MAML2: variants seen among roughly 807,000 people sequenced by gnomAD.
MAML2 encodes the protein mastermind like transcriptional coactivator 2.
MAML2 carries 22 observed loss-of-function variants against 96.1 expected under a neutral mutation model. The observed-to-expected ratio is 0.23, with a 90% CI of 0.16 to 0.33. MAML2 has a LOEUF of 0.33. MAML2 is among the 10% of genes least tolerant of loss of function. MAML2 has a pLI of 1.00. For missense variants in MAML2, 1,367 were observed against 1,392.4 expected (o/e 0.98, Z 0.29); for synonymous variants, 561 against 521.3 (o/e 1.08, Z -1.04).
intron 1 of MAML2, among the ~76,000 whole-genome samples, chr11:96,109,252 A>C (rs1860079059): frequency 6.6e-6 from 1 of 152,134 alleles, no homozygotes; most frequent in Admixed American, 6.6e-5. Flanking sequence ...AATGGGTACA[A>C]GTGAGCTCAG....
intron 1 of MAML2, among the ~76,000 whole-genome samples, chr11:96,096,545 C>G (rs576168489): frequency 1.3e-5 from 2 of 152,292 alleles, no homozygotes; most frequent in South Asian, 4.1e-4. Context: ...GGAATCAAAC[C>G]ACACATTCCC....
chr11:96,308,054 T>C (rs76859415), intron 1 of MAML2, among the ~76,000 whole-genome samples: 145 of 152,328 alleles, frequency 9.5e-4, no homozygotes, highest in Non-Finnish European at 1.7e-3. Context: ...AGATTCTGGC[T>C]TCTTTACAAT....
rs751354167 is a variant in MAML2, at chr11:96,092,703, C to T, written c.1328G>A (p.Arg443His). ...AQQLKQIAAN[R>H]QQHARMQQHQ... ...CTGCTGCATCCGGGCATGCTGCTGA[C>T]GATTAGCAGCTATCTGTTTGAGCTG... The change falls in exon 2 of 5, where the codon CGT becomes CAT. Residue 443 changes from arginine to histidine, a missense_variant. Physicochemically the swap from Arg to His is conservative, Grantham distance 29. Transcript: ENST00000524717. The surrounding 1 kb of genome is among the most constrained non-coding windows in gnomAD (Gnocchi z 4.1). The T allele has an allele frequency of 3.0e-5, 49 of 1,613,842 alleles. No individual in the cohort carries two copies. The highest frequency in any genetic ancestry group is 3.3e-5 in the South Asian group (3 of 91,080).
chr11:96,105,858 A>G (rs1044684700), intron 1 of MAML2, among the ~76,000 whole-genome samples: 1 of 136,884 alleles, frequency 7.3e-6, no homozygotes, highest in Non-Finnish European at 1.6e-5. Context: ...GTTTACTAAG[A>G]TATTTGGTTA....
chr11:96,328,125 G>T (rs74880353), intron 1 of MAML2, among the ~76,000 whole-genome samples: 1 of 151,996 alleles, frequency 6.6e-6, no homozygotes, highest in Non-Finnish European at 1.5e-5. Context: ...AAAACAAAGC[G>T]CATATGTGTG....
At chr11:96,185,084 G>T (rs1226886202) in intron 1 of MAML2, among the ~76,000 whole-genome samples, 2 of 152,098 alleles carry the variant, frequency 1.3e-5, no homozygotes, top group Non-Finnish European at 2.9e-5. Flanking sequence ...TAAAGACTTT[G>T]AGTGCTCTGA....
At chr11:96,098,095 T>C (rs1591012059) in intron 1 of MAML2, among the ~76,000 whole-genome samples, 1 of 152,094 alleles carries the variant, frequency 6.6e-6, no homozygotes, top group East Asian at 1.9e-4. Context: ...TGAAGATGCC[T>C]TGTGAGCACA....
chr11:96,196,857 G>C (rs868084632), intron 1 of MAML2, among the ~76,000 whole-genome samples: 1 of 141,160 alleles, frequency 7.1e-6, no homozygotes, highest in African/African-American at 2.7e-5. Flanking sequence ...TAGTCCAATG[G>C]TTCTCCCCCA....
At chr11:96,185,167 T>TA (rs1432146754) in intron 1 of MAML2, among the ~76,000 whole-genome samples, 1 of 148,338 alleles carries the variant, frequency 6.7e-6, no homozygotes, top group Non-Finnish European at 1.5e-5. Flanking sequence ...TGGAGCTCCT[T>TA]ATCGTAGTGA....
chr11:96,037,554 G>A (rs1336875200), intron 2 of MAML2, among the ~76,000 whole-genome samples: 2 of 152,214 alleles, frequency 1.3e-5, no homozygotes, highest in Admixed American at 6.5e-5. Context: ...TCTCCAATCA[G>A]TGAGCAAAGA....
At chr11:96,250,510 C>T (rs1300950000) in intron 1 of MAML2, among the ~76,000 whole-genome samples, 1 of 152,176 alleles carries the variant, frequency 6.6e-6, no homozygotes, top group South Asian at 2.1e-4. Flanking sequence ...TCCTATCTAG[C>T]TGTAATTTTG....
At chr11:96,134,341 T>C (rs567527879) in intron 1 of MAML2, among the ~76,000 whole-genome samples, 1 of 152,364 alleles carries the variant, frequency 6.6e-6, no homozygotes, top group Non-Finnish European at 1.5e-5. Context: ...TATTCCTCAT[T>C]GTACCCCAAT....
At chr11:96,256,500 T>G (rs1862670617) in intron 1 of MAML2, among the ~76,000 whole-genome samples, 1 of 152,220 alleles carries the variant, frequency 6.6e-6, no homozygotes. Flanking sequence ...ACTGAGATAC[T>G]TAGCCATGTC....
At chr11:96,198,179 G>C (rs940320079) in intron 1 of MAML2, among the ~76,000 whole-genome samples, 9 of 152,184 alleles carry the variant, frequency 5.9e-5, no homozygotes, top group Admixed American at 5.9e-4. Context: ...ATGTTAGAAG[G>C]CTATCAATTG....
At chr11:96,034,582 A>T (rs879394821) in intron 2 of MAML2, among the ~76,000 whole-genome samples, 7 of 152,326 alleles carry the variant, frequency 4.6e-5, no homozygotes, top group Admixed American at 2.0e-4. Flanking sequence ...ATGCAAAAAA[A>T]TTTTGTGGAA....
intron 1 of MAML2, among the ~76,000 whole-genome samples, chr11:96,161,845 T>C (rs937506287): frequency 6.6e-6 from 1 of 152,208 alleles, no homozygotes; most frequent in African/African-American, 2.4e-5. Context: ...CGATGAGTTT[T>C]GGTTTAGGAA....
intron 1 of MAML2, among the ~76,000 whole-genome samples, chr11:96,282,710 A>G (rs1309543111): frequency 6.6e-6 from 1 of 152,204 alleles, no homozygotes; most frequent in Non-Finnish European, 1.5e-5. Context: ...TTTCCCTACA[A>G]TCTCTAATCA....
intron 2 of MAML2, among the ~76,000 whole-genome samples, chr11:96,009,448 T>A (rs1858234363): frequency 6.6e-6 from 1 of 152,202 alleles, no homozygotes; most frequent in African/African-American, 2.4e-5. Context: ...TTCTTTTTTA[T>A]ATATAGGGAA....
chr11:96,131,601 G>A (rs943235451), intron 1 of MAML2, among the ~76,000 whole-genome samples: 9 of 152,188 alleles, frequency 5.9e-5, no homozygotes, highest in African/African-American at 2.2e-4. Flanking sequence ...AAGTATATTA[G>A]TAGTTACAGG....
Sources: gnomAD v4.1 joint callset for allele counts (sites outside exome capture counted in the v4.1 genomes callset) on GRCh38, gnomAD v4.1.1 for gene constraint, Gnocchi (gnomAD v3.1) non-coding constraint, MANE v1.5 for transcripts, NCBI Gene and HGNC (gene_info 2026-07-23, HGNC 2026-07-21) for gene names.